The following DOCK3 variants were observed in gnomAD, a reference collection of about 807,000 sequenced individuals.
DOCK3 encodes the protein dedicator of cytokinesis 3, also known as dedicator of cytokinesis protein 3.
A neutral mutation model predicts 265.6 loss-of-function variants in DOCK3; 60 were observed. The ratio of observed to expected loss-of-function variants is 0.23; its 90% CI spans 0.18 to 0.28. DOCK3 has a LOEUF of 0.28. Ranked by LOEUF, DOCK3 falls within the 10% of genes least tolerant of loss-of-function variation. DOCK3 has a pLI of 1.00. For missense variants in DOCK3, 1,981 were observed against 2,594.3 expected, an observed-to-expected ratio of 0.76 and a Z score of 5.14; for synonymous variants, 881 against 938.0, an observed-to-expected ratio of 0.94 and a Z score of 1.11.
intron 2 of DOCK3, among the ~76,000 whole-genome samples, chr3:50,818,772 A>G (rs1335406922): frequency 6.6e-6 from 1 of 151,652 alleles, no homozygotes; most frequent in Non-Finnish European, 1.5e-5. Flanking sequence ...GAGGGTATTT[A>G]GAGTAGTTAG....
intron 9 of DOCK3, among the ~76,000 whole-genome samples, chr3:51,117,450 T>C (rs1160791732): frequency 1.3e-5 from 2 of 152,122 alleles, no homozygotes; most frequent in Non-Finnish European, 2.9e-5. Flanking sequence ...CCCTGCCAGG[T>C]TTTGGTATAA....
intron 5 of DOCK3, among the ~76,000 whole-genome samples, chr3:51,031,112 C>G (rs758134123): frequency 2.0e-5 from 3 of 152,162 alleles, no homozygotes; most frequent in Non-Finnish European, 4.4e-5. Flanking sequence ...AATTTTCATA[C>G]TTTTCAATTT....
intron 10 of DOCK3, among the ~76,000 whole-genome samples, 179 bp downstream of exon 10, chr3:51,146,809 A>G (rs540355914): frequency 2.0e-5 from 3 of 152,340 alleles, no homozygotes; most frequent in South Asian, 2.1e-4. Flanking sequence ...CTGAAATTAT[A>G]TACAGTTTTA....
intron 5 of DOCK3, among the ~76,000 whole-genome samples, chr3:51,010,008 T>A (rs906859922): frequency 6.6e-6 from 1 of 152,236 alleles, no homozygotes; most frequent in African/African-American, 2.4e-5. Flanking sequence ...TCTATTCTTT[T>A]ACATTTGCTG....
chr3:50,854,420 C>T (rs893119139), intron 3 of DOCK3, among the ~76,000 whole-genome samples: 3 of 149,314 alleles, frequency 2.0e-5, no homozygotes, highest in African/African-American at 4.9e-5. Context: ...CCCCTCCCCT[C>T]CCCCCATCTT....
At chr3:51,244,947 C>CA (rs1250157777) in intron 21 of DOCK3, among the ~76,000 whole-genome samples, 2 of 151,936 alleles carry the variant, frequency 1.3e-5, no homozygotes, top group East Asian at 3.9e-4. Flanking sequence ...ATAGCACCCA[C>CA]AAAAAAATGT....
intron 14 of DOCK3, among the ~76,000 whole-genome samples, chr3:51,218,205 AG>A (rs1560227464): frequency 6.6e-6 from 1 of 152,136 alleles, no homozygotes; most frequent in Non-Finnish European, 1.5e-5. Context: ...AGGCCGAGGC[AG>A]GTGGATCACC....
At chr3:50,841,648 T>G (rs369087161) in intron 2 of DOCK3, 27 bp from the exon 3 acceptor site, 9 of 1,205,356 alleles carry the variant, frequency 7.5e-6, no homozygotes, top group Non-Finnish European at 1.0e-5. Context: ...CATTGTGATT[T>G]TAATATTCTC....
chr3:51,003,123 T>C (rs957213882), intron 5 of DOCK3, among the ~76,000 whole-genome samples: 2 of 152,246 alleles, frequency 1.3e-5, no homozygotes, highest in African/African-American at 4.8e-5. Context: ...TGTAGCTCTC[T>C]TCTTTTCAGT....
intron 12 of DOCK3, 105 bp from the exon 13 acceptor site, chr3:51,208,669 A>C: frequency 1.2e-6 from 1 of 864,400 alleles, no homozygotes; most frequent in Non-Finnish European, 1.8e-6. Context: ...TTTCTTTAGG[A>C]AAGTGAGGGA....
intron 1 of DOCK3, among the ~76,000 whole-genome samples, chr3:50,750,111 A>G (rs1185888876): frequency 1.3e-5 from 2 of 152,078 alleles, no homozygotes; most frequent in South Asian, 2.1e-4. Context: ...TGCAAACCCT[A>G]TTGTGAACTG....
At chr3:50,760,023 G>T (rs1475289691) in intron 1 of DOCK3, among the ~76,000 whole-genome samples, 1 of 151,424 alleles carries the variant, frequency 6.6e-6, no homozygotes, top group African/African-American at 2.4e-5. Flanking sequence ...GATGAAGGCG[G>T]ACTCTTTTTT....
chr3:51,258,976 C>T (rs2079703155), intron 22 of DOCK3, among the ~76,000 whole-genome samples: 1 of 152,166 alleles, frequency 6.6e-6, no homozygotes, highest in Non-Finnish European at 1.5e-5. Flanking sequence ...TGAAGAGTCA[C>T]CACAATATAG....
chr3:51,095,001 T>G (rs2082784276), intron 9 of DOCK3, among the ~76,000 whole-genome samples: 1 of 152,020 alleles, frequency 6.6e-6, no homozygotes, highest in Non-Finnish European at 1.5e-5. Flanking sequence ...CCTGCTTTTT[T>G]TTTTTTTTAC....
chr3:50,683,690 G>C (rs970070909), intron 1 of DOCK3, among the ~76,000 whole-genome samples: 3 of 152,202 alleles, frequency 2.0e-5, no homozygotes, highest in African/African-American at 4.8e-5. Context: ...AAAGCATGGG[G>C]AGTGAGAAAG....
intron 10 of DOCK3, among the ~76,000 whole-genome samples, chr3:51,153,321 G>T (rs1392306917): frequency 6.6e-6 from 1 of 152,236 alleles, no homozygotes; most frequent in Admixed American, 6.5e-5. Flanking sequence ...CCAGGCACAG[G>T]ATGTAATCTC....
intron 1 of DOCK3, among the ~76,000 whole-genome samples, chr3:50,742,911 G>A (rs1228151970): frequency 2.0e-5 from 3 of 152,140 alleles, no homozygotes; most frequent in Non-Finnish European, 4.4e-5. Flanking sequence ...CACCAAAGTT[G>A]AAATGAAGGA....
intron 1 of DOCK3, among the ~76,000 whole-genome samples, chr3:50,696,244 A>G (rs1160129128): frequency 6.6e-6 from 1 of 152,220 alleles, no homozygotes; most frequent in East Asian, 1.9e-4. Context: ...CAGGGAATGA[A>G]TGGTATGGCC....
chr3:51,140,837 C>T (rs1202482276), intron 9 of DOCK3, among the ~76,000 whole-genome samples: 1 of 152,062 alleles, frequency 6.6e-6, no homozygotes, highest in Non-Finnish European at 1.5e-5. Context: ...ATTTGCAATT[C>T]CCTGATTACT....
Sources: allele counts gnomAD v4.1 joint callset (sites outside exome capture counted in the v4.1 genomes callset), GRCh38; gene constraint gnomAD v4.1.1; transcripts MANE v1.5; gene names NCBI Gene and HGNC (gene_info 2026-07-23, HGNC 2026-07-21).